Variants in NLGN1 observed in about 807,000 individuals in gnomAD.
The protein encoded by NLGN1 is neuroligin 1.
Under a neutral mutation model 65.5 loss-of-function variants are expected in NLGN1, and 12 were observed. The observed-to-expected ratio is 0.18, with a 90% CI of 0.12 to 0.30. The LOEUF is 0.30. NLGN1 is among the 10% of genes least tolerant of loss of function. The pLI, the probability that NLGN1 is intolerant of heterozygous loss-of-function variation, is 1.00. For synonymous variants in NLGN1, 350 were observed against 359.5 expected, an observed-to-expected ratio of 0.97 and a Z score of 0.30; for missense variants, 750 against 1,007.1, an observed-to-expected ratio of 0.74 and a Z score of 3.46.
intron 4 of NLGN1, among the ~76,000 whole-genome samples, chr3:174,234,402 G>T (rs151251639): frequency 1.3e-5 from 2 of 152,296 alleles, no homozygotes; most frequent in Non-Finnish European, 2.9e-5. Context: ...GCAATTGGGA[G>T]GGAAGCATGT....
chr3:173,865,448 T>C (rs184898432), intron 4 of NLGN1, among the ~76,000 whole-genome samples: 2 of 152,306 alleles, frequency 1.3e-5, no homozygotes, highest in Admixed American at 1.3e-4. Context: ...TGATTGGACA[T>C]AGTATGTGTT....
At chr3:173,539,809 T>C (rs1325795373) in intron 2 of NLGN1, among the ~76,000 whole-genome samples, 1 of 142,516 alleles carries the variant, frequency 7.0e-6, no homozygotes, top group Non-Finnish European at 1.5e-5. Flanking sequence ...TATATATACA[T>C]ATATACATAT....
chr3:173,792,593 A>C (rs1405611251), intron 3 of NLGN1, among the ~76,000 whole-genome samples: 6 of 152,154 alleles, frequency 3.9e-5, no homozygotes, highest in African/African-American at 1.4e-4. Context: ...ACAAGGTCTA[A>C]GGATGAAGTC....
At chr3:173,508,730 A>G (rs1468342994) in intron 2 of NLGN1, among the ~76,000 whole-genome samples, 1 of 152,148 alleles carries the variant, frequency 6.6e-6, no homozygotes, top group African/African-American at 2.4e-5. Flanking sequence ...TCATTAAAAA[A>G]GAAGTCCACA....
chr3:173,717,193 T>G (rs557101180), intron 3 of NLGN1, among the ~76,000 whole-genome samples: 3 of 152,180 alleles, frequency 2.0e-5, no homozygotes, highest in Non-Finnish European at 4.4e-5. Flanking sequence ...ACTTTGAGAG[T>G]GAACTTTTTT....
intron 4 of NLGN1, among the ~76,000 whole-genome samples, chr3:173,884,632 A>G (rs1393249473): frequency 6.6e-6 from 1 of 152,180 alleles, no homozygotes; most frequent in East Asian, 1.9e-4. Context: ...AGTTTCCTAC[A>G]TGTGCATGTA....
chr3:173,612,136 A>T (rs956787164), intron 3 of NLGN1, among the ~76,000 whole-genome samples: 4 of 152,036 alleles, frequency 2.6e-5, no homozygotes, highest in African/African-American at 9.7e-5. Context: ...GTAGTTTAGG[A>T]CATGGCAGAA....
intron 2 of NLGN1, among the ~76,000 whole-genome samples, chr3:173,517,069 A>T (rs954586156): frequency 6.6e-6 from 1 of 152,096 alleles, no homozygotes; most frequent in Non-Finnish European, 1.5e-5. Flanking sequence ...TAATGTAATT[A>T]TCCTCATCAG....
chr3:174,279,145 GAT>G lies in NLGN1; in HGVS notation c.1148_1149del (p.Ile383AsnfsTer14). On this transcript the variant is annotated frameshift_variant, in exon 6 of 7. Transcript: ENST00000457714. LOFTEE classifies it high-confidence loss of function. The surrounding 1 kb of genome is among the most constrained non-coding windows in gnomAD (Gnocchi z 4.7). Reference sequence around the variant, plus strand: ...GGAGCAAGGAGAGTTTCTCAACTATGATATAATGTTAGGAGTGAACCAAGGGG... The same window carrying G: ...GGAGCAAGGAGAGTTTCTCAACTATGATAATGTTAGGAGTGAACCAAGGGG... 6.2e-7 allele frequency: 1 copy of G among 1,613,390 alleles called. No individual in the cohort carries two copies. Among genetic ancestry groups the G allele is most frequent in the Non-Finnish European group, 8.5e-7 (1 of 1,179,552 alleles).
intron 4 of NLGN1, among the ~76,000 whole-genome samples, chr3:174,049,073 C>T (rs1734237231): frequency 1.3e-5 from 2 of 151,944 alleles, no homozygotes; most frequent in South Asian, 4.1e-4. Flanking sequence ...TTAAAAATTA[C>T]ACCTACAAGA....
chr3:174,120,729 C>T (rs972502098), intron 4 of NLGN1, among the ~76,000 whole-genome samples: 1 of 152,154 alleles, frequency 6.6e-6, no homozygotes, highest in Non-Finnish European at 1.5e-5. Context: ...CTCTTTCTCT[C>T]TCTCTCTCAG....
intron 2 of NLGN1, among the ~76,000 whole-genome samples, chr3:173,548,064 T>C (rs947041417): frequency 1.1e-4 from 17 of 152,116 alleles, no homozygotes; most frequent in African/African-American, 4.1e-4. Context: ...TACTTCTTTC[T>C]CTAACACTCA....
chr3:173,904,351 C>T (rs1014574777), intron 4 of NLGN1, among the ~76,000 whole-genome samples: 1 of 152,132 alleles, frequency 6.6e-6, no homozygotes, highest in Admixed American at 6.6e-5. Flanking sequence ...TCTGGAAAGA[C>T]AAACAACATA....
chr3:174,199,187 G>A (rs958409533), intron 4 of NLGN1, among the ~76,000 whole-genome samples: 1 of 152,064 alleles, frequency 6.6e-6, no homozygotes, highest in African/African-American at 2.4e-5. Context: ...GCTTTTCTGG[G>A]AGTCAATCTA....
At chr3:173,521,142 C>G (rs1370433453) in intron 2 of NLGN1, among the ~76,000 whole-genome samples, 3 of 152,126 alleles carry the variant, frequency 2.0e-5, no homozygotes, top group Non-Finnish European at 4.4e-5. Flanking sequence ...GATAGGGAGA[C>G]TGTATATCTA....
chr3:173,951,486 G>A lies in NLGN1; in HGVS notation c.646+143654G>A, dbSNP rs540140305. Among the ~76,000 whole-genome samples the A allele has an allele frequency of 2.7e-4, 40 of 148,576 alleles. 1 individual carries two copies. In the South Asian group the frequency reaches 7.3e-3, roughly 27 times the overall value. ...TTTTTTTTTTTCTTTGTTTTGAGAC[G>A]GAGTCTTGCTCTGTCGCCCAGGCTG... On this transcript the variant is annotated intron_variant, in intron 4 of 6. Transcript: ENST00000457714.
chr3:173,626,097 T>C (rs893950867), intron 3 of NLGN1, among the ~76,000 whole-genome samples: 6 of 152,114 alleles, frequency 3.9e-5, no homozygotes, highest in African/African-American at 1.4e-4. Flanking sequence ...AGACATATTC[T>C]ATATCTTCTC....
rs193051871 is a variant in NLGN1 at position 174,027,962 on chromosome 3, G to A, written c.646+220130G>A. ...GTGGTTTCCCCCATACTGTTCTCAT[G>A]TTAGTGAATAAGTCTGATGAGATCT... On this transcript the variant is annotated intron_variant, in intron 4 of 6. Transcript: ENST00000457714. 2.2e-4 allele frequency among the ~76,000 whole-genome samples: 33 copies of A among 152,242 alleles called. No individual in the cohort carries two copies. The East Asian group carries it at 5.4e-3, about 25-fold the overall frequency.
At chr3:174,029,340 T>G (rs1186369493) in intron 4 of NLGN1, among the ~76,000 whole-genome samples, 1 of 152,176 alleles carries the variant, frequency 6.6e-6, no homozygotes, top group Non-Finnish European at 1.5e-5. Flanking sequence ...TCAAAAGAGA[T>G]CATTTTGGAA....
Sources: gnomAD v4.1 joint callset for allele counts (sites outside exome capture counted in the v4.1 genomes callset) on GRCh38, gnomAD v4.1.1 for gene constraint, Gnocchi (gnomAD v3.1) non-coding constraint, MANE v1.5 for transcripts, NCBI Gene and HGNC (gene_info 2026-07-23, HGNC 2026-07-21) for gene names.